TXLNG: variants seen among roughly 807,000 people sequenced by gnomAD.
TXLNG encodes gamma-taxilin.
In TXLNG, 5 loss-of-function variants were observed where a neutral mutation model predicts 38.8. The observed-to-expected ratio is 0.13, with a 90% CI of 0.07 to 0.27. The LOEUF (loss-of-function observed/expected upper bound fraction) is 0.27. TXLNG is among the 10% of genes least tolerant of loss of function. TXLNG has a pLI of 1.00. For missense variants in TXLNG, 393 were observed against 398.2 expected (o/e 0.99, Z 0.11); for synonymous variants, 182 against 158.2 (o/e 1.15, Z -1.13).
chrX:16,828,043 C>T (rs1929233749), intron 3 of TXLNG, 51 bp from the exon 4 acceptor site: 1 of 1,101,630 alleles, frequency 9.1e-7, no homozygotes, highest in Middle Eastern at 2.6e-4. Context: ...CTAGCCATAA[C>T]TGTAAGATTT....
intron 1 of TXLNG, among the ~76,000 whole-genome samples, chrX:16,796,415 G>A (rs1200079688): frequency 9.0e-6 from 1 of 111,719 alleles, no homozygotes. Context: ...GTTCCTGACC[G>A]TGGACATCGT....
rs1928304280 is a variant in TXLNG at position 16,805,482 on chromosome X, T to C, written c.103-13092T>C. 4.4e-5 allele frequency among the ~76,000 whole-genome samples: 5 copies of C among 112,402 alleles called. No homozygotes were observed. The South Asian group carries it at 1.8e-3, about 41-fold the overall frequency. ...TCATGCCAAGGTTATGGAAAAAAAT[T>C]TGTTGAGGACTTCTTCAAGCTCTTT... On this transcript the variant is annotated intron_variant, in intron 1 of 9. Transcript: ENST00000380122.
At chrX:16,840,788 C>A (rs1929774911) in intron 9 of TXLNG, among the ~76,000 whole-genome samples, 1 of 111,526 alleles carries the variant, frequency 9.0e-6, no homozygotes, top group Admixed American at 9.5e-5. Flanking sequence ...CAACAAACTT[C>A]TCATCTAAAA....
chrX:16,837,079 G>A (rs1436728166), intron 7 of TXLNG, among the ~76,000 whole-genome samples: 2 of 111,726 alleles, frequency 1.8e-5, no homozygotes, highest in Non-Finnish European at 3.8e-5. Context: ...AATTCCTTGA[G>A]GGTAGGACTA....
Position 16,818,603 on chromosome X carries a change from A to T in TXLNG, c.132A>T (p.Gly44=). 1 of 1,209,146 alleles carries T rather than the reference A, an allele frequency of 8.3e-7. No individual in the cohort carries two copies. Among genetic ancestry groups the T allele is most frequent in the Non-Finnish European group, 1.1e-6 (1 of 893,907 alleles). The change falls in exon 2 of 10, where the codon GGA becomes GGT. Residue 44 remains glycine (G), a synonymous_variant. Coordinates refer to ENST00000380122, the MANE Select transcript of TXLNG (RefSeq NM_018360.3). ...AAATTGGCACAATGGAAGAAGCTGG[A>T]ATTTGTGGGCTAGGGGTGAAAGCAG... ...KFEIGTMEEA[G]ICGLGVKADM... is the part of the protein sequence containing the mutation.
In TXLNG at chrX:16,804,974, C is replaced by G. The variant is rs1288100238; in HGVS notation, c.103-13600C>G. Among the ~76,000 whole-genome samples, 8 of 9,659 alleles carry G rather than the reference C, an allele frequency of 8.3e-4. 1 individual carries two copies. The South Asian group carries it at 0.075, about 90-fold the overall frequency. The allele number at this position is 9,659 out of a possible 115,157, so 8.4% of individuals were successfully genotyped here. ...TCTCCAGTCACCACCACTGCCCACC[C>G]CCCCCCCCCGCTTTTTTTTTTTTTT... On this transcript the variant is annotated intron_variant, in intron 1 of 9. Coordinates refer to ENST00000380122, the MANE Select transcript of TXLNG (RefSeq NM_018360.3).
intron 1 of TXLNG, among the ~76,000 whole-genome samples, chrX:16,801,517 G>C (rs2029862648): frequency 9.0e-6 from 1 of 111,725 alleles, no homozygotes. Context: ...TATGAGAATG[G>C]CCTAACACAC....
chrX:16,832,089 C>G (rs1461664352), intron 5 of TXLNG, among the ~76,000 whole-genome samples: 1 of 112,148 alleles, frequency 8.9e-6, no homozygotes, highest in East Asian at 2.8e-4. Context: ...TGGAGGTATC[C>G]CCCTGTACAG....
intron 1 of TXLNG, among the ~76,000 whole-genome samples, chrX:16,792,075 T>G (rs1569260022): frequency 8.9e-6 from 1 of 112,174 alleles, no homozygotes. Context: ...AGAGTTATGT[T>G]TCAAAGGAAA....
At chrX:16,805,267 GCCAC>G (rs913018631) in intron 1 of TXLNG, among the ~76,000 whole-genome samples, 4 of 108,583 alleles carry the variant, frequency 3.7e-5, no homozygotes, top group African/African-American at 1.3e-4. Flanking sequence ...ACAGGCGTGA[GCCAC>G]CGCACCCGCC....
rs1929906332 is a variant in TXLNG at position 16,842,823 on chromosome X, G to A, written c.*1057G>A. On this transcript the variant is annotated 3_prime_UTR_variant, in exon 10 of 10. Transcript: ENST00000380122. ...ACTGGCACCAACATTTTTACTTTGGGAAGACTTGGCAGAGTGTTAGTCATG... is the reference window on the plus strand; with the variant it reads ...ACTGGCACCAACATTTTTACTTTGGAAAGACTTGGCAGAGTGTTAGTCATG... The A allele has an allele frequency of 2.7e-5, 3 of 111,695 alleles. No individual in the cohort carries two copies. In the South Asian group the frequency reaches 1.1e-3, roughly 42 times the overall value. 9.2% of individuals were successfully genotyped at this position (111,695 alleles called of 1,213,427 possible).
intron 9 of TXLNG, 81 bp from the exon 10 acceptor site, chrX:16,841,347 C>A: frequency 1.1e-6 from 1 of 883,778 alleles, no homozygotes. Context: ...GAGAAGTGTC[C>A]AATATGGCTG....
chrX:16,791,839 GC>G (rs1179581226), intron 1 of TXLNG, among the ~76,000 whole-genome samples: 3 of 112,258 alleles, frequency 2.7e-5, no homozygotes, highest in Non-Finnish European at 3.8e-5. Flanking sequence ...ACCTGCCTTG[GC>G]CTCCCAAAGT....
intron 3 of TXLNG, among the ~76,000 whole-genome samples, chrX:16,823,458 CAAAAAAAAAAAA>C (rs11311011): frequency 8.0e-5 from 2 of 24,959 alleles, no homozygotes; most frequent in Admixed American, 1.4e-3. Context: ...AACTCTGTCT[CAAAAAAAAAAAA>C]AAAAAAAAAA....
chrX:16,788,594 A>G (rs1927583697), intron 1 of TXLNG, among the ~76,000 whole-genome samples: 1 of 110,572 alleles, frequency 9.0e-6, no homozygotes, highest in African/African-American at 3.3e-5. Context: ...CCTAGTCAGG[A>G]GACTGAAGCA....
At chrX:16,789,899 A>G (rs1323522391) in intron 1 of TXLNG, among the ~76,000 whole-genome samples, 14 of 109,386 alleles carry the variant, frequency 1.3e-4, no homozygotes, top group African/African-American at 3.7e-4. Flanking sequence ...GGTTCAAGCA[A>G]TTCTCCTGCC....
At chrX:16,788,557 C>G (rs1197880876) in intron 1 of TXLNG, among the ~76,000 whole-genome samples, 2 of 111,107 alleles carry the variant, frequency 1.8e-5, no homozygotes, top group East Asian at 5.6e-4. Flanking sequence ...TTTAAGCCAG[C>G]TATGGTGGCA....
In TXLNG at chrX:16,843,827, A is replaced by G. The variant is rs1490755626; in HGVS notation, c.*2061A>G. 9.0e-6 allele frequency: 1 copy of G among 111,663 alleles called. No individual in the cohort carries two copies. 9.2% of individuals were successfully genotyped at this position (111,663 alleles called of 1,213,427 possible). ...TAGATGCTATTATAGTGTTGAAAGGATATGGATTCTGTCTGGGATGCATTT... is the reference window on the plus strand; with the variant it reads ...TAGATGCTATTATAGTGTTGAAAGGGTATGGATTCTGTCTGGGATGCATTT... On this transcript the variant is annotated 3_prime_UTR_variant, in exon 10 of 10. Transcript: ENST00000380122.
At chrX:16,789,447 T>C (rs1233339571) in intron 1 of TXLNG, among the ~76,000 whole-genome samples, 1 of 108,132 alleles carries the variant, frequency 9.2e-6, no homozygotes, top group African/African-American at 3.5e-5. Context: ...AAAATTAAAA[T>C]TAAAAATTTT....
Sources: allele counts gnomAD v4.1 joint callset (sites outside exome capture counted in the v4.1 genomes callset), GRCh38; gene constraint gnomAD v4.1.1; transcripts MANE v1.5; gene names NCBI Gene and HGNC (gene_info 2026-07-23, HGNC 2026-07-21).